Variants in TAOK3 observed in about 807,000 individuals in gnomAD.
The protein encoded by TAOK3 is serine/threonine-protein kinase TAO3.
Under a neutral mutation model 120.4 loss-of-function variants are expected in TAOK3, and 40 were observed. The ratio of observed to expected loss-of-function variants is 0.33; its 90% CI spans 0.26 to 0.43. TAOK3 has a LOEUF of 0.43. TAOK3 is among the 20% of genes least tolerant of loss of function. TAOK3 has a pLI of 1.00. For synonymous variants in TAOK3, 355 were observed against 387.5 expected, an observed-to-expected ratio of 0.92 and a Z score of 0.99; for missense variants, 821 against 1,112.1, an observed-to-expected ratio of 0.74 and a Z score of 3.72.
In TAOK3 at chr12:118,238,177, AG is replaced by A; in HGVS notation, c.341-9del. 7 of 1,568,354 alleles carry A rather than the reference AG, an allele frequency of 4.5e-6. No homozygotes were observed. Among genetic ancestry groups the A allele is most frequent in the East Asian group, 4.5e-5 (2 of 44,684 alleles). ...GAAGTGGTTTTTTATGAACTGAGGA[AG>A]GAAAAAAAAAAAAGTCAGTAGATGA... is the stretch of plus-strand genomic sequence containing the variant. On this transcript the variant is annotated splice_polypyrimidine_tract_variant and intron_variant, in intron 6 of 20. Transcript: ENST00000392533.
intron 1 of TAOK3, among the ~76,000 whole-genome samples, chr12:118,361,891 G>A (rs1261990743): frequency 1.3e-5 from 2 of 151,118 alleles, no homozygotes; most frequent in Admixed American, 6.6e-5. Flanking sequence ...CCCAGGTAGT[G>A]AGCATAGTCA....
intron 17 of TAOK3, among the ~76,000 whole-genome samples, chr12:118,171,736 C>T (rs2036008216): frequency 6.6e-6 from 1 of 152,164 alleles, no homozygotes; most frequent in African/African-American, 2.4e-5. Flanking sequence ...CCACTGCCTT[C>T]AGGCTAAAAG....
chr12:118,350,886 GA>G (rs200438815), intron 1 of TAOK3, among the ~76,000 whole-genome samples: 16,401 of 139,856 alleles, frequency 0.12, 1,172 homozygotes, highest in Middle Eastern at 0.21. Context: ...AAAAGAAAAA[GA>G]AAAAAAAAAG....
chr12:118,181,280 TC>T (rs1479963693), intron 15 of TAOK3, 90 bp downstream of exon 15: 2 of 1,104,532 alleles, frequency 1.8e-6, no homozygotes, highest in Non-Finnish European at 2.7e-6. Context: ...TTTTCCTCCA[TC>T]CCCCACTCCT....
chr12:118,194,601 C>CA (rs1019827101), intron 13 of TAOK3, among the ~76,000 whole-genome samples: 1 of 148,040 alleles, frequency 6.8e-6, no homozygotes, highest in Admixed American at 6.7e-5. Context: ...CCTATTCCCT[C>CA]AAGGACATTT....
intron 1 of TAOK3, among the ~76,000 whole-genome samples, chr12:118,335,296 G>GTAAT (rs1427800574): frequency 3.3e-5 from 5 of 152,014 alleles, no homozygotes; most frequent in African/African-American, 1.2e-4. Context: ...GAGACAGGAG[G>GTAAT]TAATACAGAT....
chr12:118,204,026 A>G (rs61945175), intron 11 of TAOK3, among the ~76,000 whole-genome samples: 28,842 of 151,836 alleles, frequency 0.19, 2,887 homozygotes, highest in African/African-American at 0.25. Context: ...AGCACTTTGG[A>G]AGGCCGAGGC....
At chr12:118,261,460 C>A (rs961843799) in intron 2 of TAOK3, 1 of 152,144 alleles carries the variant, frequency 6.6e-6, no homozygotes, top group African/African-American at 2.4e-5. Flanking sequence ...AATACAGAAT[C>A]AGGAAGGAGG....
At chr12:118,207,352 A>T (rs2038380949) in intron 11 of TAOK3, among the ~76,000 whole-genome samples, 1 of 151,908 alleles carries the variant, frequency 6.6e-6, no homozygotes, top group Non-Finnish European at 1.5e-5. Context: ...AAAAGAAAGA[A>T]AATCACCCGA....
chr12:118,205,169 A>T (rs1328278949), intron 11 of TAOK3, among the ~76,000 whole-genome samples: 1 of 149,386 alleles, frequency 6.7e-6, no homozygotes, highest in Non-Finnish European at 1.5e-5. Flanking sequence ...GACTCTGTTT[A>T]AAAAAAATAA....
intron 11 of TAOK3, among the ~76,000 whole-genome samples, chr12:118,206,877 G>A (rs1288608915): frequency 6.6e-6 from 1 of 152,162 alleles, no homozygotes; most frequent in East Asian, 1.9e-4. Context: ...TTACAGGCGT[G>A]AGCCACTGCA....
At chr12:118,318,128 G>T (rs956628533) in intron 1 of TAOK3, among the ~76,000 whole-genome samples, 3 of 151,000 alleles carry the variant, frequency 2.0e-5, no homozygotes, top group Non-Finnish European at 4.4e-5. Flanking sequence ...GAATAGATCC[G>T]AGACCTAAAT....
intron 3 of TAOK3, 56 bp from the exon 4 acceptor site, chr12:118,245,021 T>A: frequency 1.7e-6 from 2 of 1,167,496 alleles, no homozygotes; most frequent in Non-Finnish European, 2.5e-6. Context: ...TCAGCCAATT[T>A]AACTTAAATA....
At chr12:118,321,607 C>T (rs1356935046) in intron 1 of TAOK3, among the ~76,000 whole-genome samples, 4 of 152,056 alleles carry the variant, frequency 2.6e-5, no homozygotes, top group Admixed American at 6.6e-5. Flanking sequence ...ATTTTGCCTT[C>T]GACTCATAAT....
intron 15 of TAOK3, among the ~76,000 whole-genome samples, chr12:118,180,102 C>G (rs2036612607): frequency 6.6e-6 from 1 of 150,960 alleles, no homozygotes; most frequent in Non-Finnish European, 1.5e-5. Flanking sequence ...CATCTGCCAC[C>G]ACGCCCAGCT....
At chr12:118,220,866 T>C (rs2039196143) in intron 9 of TAOK3, among the ~76,000 whole-genome samples, 1 of 152,176 alleles carries the variant, frequency 6.6e-6, no homozygotes, top group African/African-American at 2.4e-5. Flanking sequence ...TGGGAAGCAT[T>C]CTCTGAGTAT....
At chr12:118,171,681 G>T (rs1246610717) in intron 17 of TAOK3, among the ~76,000 whole-genome samples, 1 of 152,112 alleles carries the variant, frequency 6.6e-6, no homozygotes, top group Non-Finnish European at 1.5e-5. Context: ...TCAAAATAAA[G>T]AAATGTCTCA....
At chr12:118,326,645 A>G (rs1157643171) in intron 1 of TAOK3, among the ~76,000 whole-genome samples, 1 of 152,202 alleles carries the variant, frequency 6.6e-6, no homozygotes, top group Non-Finnish European at 1.5e-5. Context: ...TTTTGTAATC[A>G]TGGATATAAT....
At chr12:118,354,191 T>G (rs556541900) in intron 1 of TAOK3, among the ~76,000 whole-genome samples, 1 of 152,306 alleles carries the variant, frequency 6.6e-6, no homozygotes, top group Admixed American at 6.5e-5. Context: ...TCCTTTCCTA[T>G]ATATACATAA....
Sources: gnomAD v4.1 joint callset for allele counts (sites outside exome capture counted in the v4.1 genomes callset) on GRCh38, gnomAD v4.1.1 for gene constraint, MANE v1.5 for transcripts, NCBI Gene and HGNC (gene_info 2026-07-23, HGNC 2026-07-21) for gene names.